Variants in MTA3 observed in about 807,000 individuals in gnomAD.
The protein encoded by MTA3 is metastasis associated 1 family member 3.
A neutral mutation model predicts 83.5 loss-of-function variants in MTA3; 34 were observed. That is an observed-to-expected ratio of 0.41 (90% CI 0.31 to 0.54). The LOEUF is 0.54. Ranked by LOEUF, MTA3 falls within the 20% of genes least tolerant of loss-of-function variation. The probability of loss-of-function intolerance (pLI) is 0.33; values close to 1 mark genes in which losing one functional copy is unlikely to be tolerated. For missense variants in MTA3, 761 were observed against 726.4 expected (o/e 1.05, Z -0.55); for synonymous variants, 303 against 252.7 (o/e 1.20, Z -1.89).
chr2:42,498,814 C>T (rs1389711567), intron 2 of MTA3, among the ~76,000 whole-genome samples: 4 of 152,182 alleles, frequency 2.6e-5, no homozygotes, highest in African/African-American at 9.7e-5. Context: ...GAATTGAAAA[C>T]TCCTATTTTT....
chr2:42,732,170 C>T (rs1305261072), intron 16 of MTA3, among the ~76,000 whole-genome samples: 1 of 152,244 alleles, frequency 6.6e-6, no homozygotes, highest in Non-Finnish European at 1.5e-5. Flanking sequence ...TCTGGCCCCA[C>T]ATTTCACTTC....
chr2:42,532,599 CA>C (rs1221755970), intron 2 of MTA3, among the ~76,000 whole-genome samples: 4 of 152,140 alleles, frequency 2.6e-5, no homozygotes, highest in African/African-American at 9.7e-5. Context: ...CATCTTTCAG[CA>C]AGACATAAAC....
chr2:42,715,757 G>A (rs1666982147), intron 14 of MTA3, among the ~76,000 whole-genome samples: 2 of 152,102 alleles, frequency 1.3e-5, no homozygotes, highest in African/African-American at 2.4e-5. Context: ...GTTGATGATA[G>A]CCATCAATGT....
At chr2:42,557,778 A>G (rs368784055) in intron 2 of MTA3, among the ~76,000 whole-genome samples, 36 of 152,198 alleles carry the variant, frequency 2.4e-4, no homozygotes, top group Non-Finnish European at 4.7e-4. Context: ...TCTCTTATAG[A>G]AAGGGCAGTA....
chr2:42,598,316 C>T (rs1345139808), intron 3 of MTA3, among the ~76,000 whole-genome samples: 4 of 149,670 alleles, frequency 2.7e-5, no homozygotes, highest in Admixed American at 6.7e-5. Flanking sequence ...CCACCCGCCT[C>T]GGCCTCCCAA....
chr2:42,600,992 C>T lies in MTA3; in HGVS notation c.191-8466C>T, dbSNP rs184893193. Among the ~76,000 whole-genome samples the T allele has an allele frequency of 5.3e-5, 8 of 152,158 alleles. No homozygotes were observed. In the South Asian group the frequency reaches 1.0e-3, roughly 20 times the overall value. On this transcript the variant is annotated intron_variant, in intron 3 of 16. Coordinates refer to ENST00000405094, the MANE Select transcript of MTA3 (RefSeq NM_001330442.2). ...CGTGTTCTTGGCTCACTGCAACCTCCGCCTCCCGGGTTCAGGTAATTCTCC... is the reference window on the plus strand; with the variant it reads ...CGTGTTCTTGGCTCACTGCAACCTCTGCCTCCCGGGTTCAGGTAATTCTCC...
At chr2:42,622,543 T>C (rs1685685652) in intron 4 of MTA3, among the ~76,000 whole-genome samples, 1 of 152,224 alleles carries the variant, frequency 6.6e-6, no homozygotes. Flanking sequence ...AAATGTTAAG[T>C]TTCTTCTCAG....
At chr2:42,717,873 C>T (rs1360708676) in intron 14 of MTA3, among the ~76,000 whole-genome samples, 1 of 152,184 alleles carries the variant, frequency 6.6e-6, no homozygotes, top group Non-Finnish European at 1.5e-5. Flanking sequence ...CCTTTAGCAG[C>T]TGTCATTTAT....
chr2:42,602,626 G>A (rs1449405775), intron 3 of MTA3, among the ~76,000 whole-genome samples: 1 of 152,118 alleles, frequency 6.6e-6, no homozygotes, highest in East Asian at 1.9e-4. Flanking sequence ...TAATATGAGG[G>A]CTAGGGTGAT....
At chr2:42,711,512 A>G (rs1666609153) in intron 14 of MTA3, among the ~76,000 whole-genome samples, 1 of 152,212 alleles carries the variant, frequency 6.6e-6, no homozygotes, top group Admixed American at 6.5e-5. Context: ...TGAGTTGTAC[A>G]TAATCAGATT....
At chr2:42,515,810 T>G (rs1200653380) in intron 2 of MTA3, among the ~76,000 whole-genome samples, 3 of 149,056 alleles carry the variant, frequency 2.0e-5, no homozygotes, top group Admixed American at 2.0e-4. Flanking sequence ...GTTTCAGTGT[T>G]TATTTTATTT....
chr2:42,552,223 A>T (rs2103778234), intron 2 of MTA3, among the ~76,000 whole-genome samples: 1 of 152,296 alleles, frequency 6.6e-6, no homozygotes, highest in South Asian at 2.1e-4. Flanking sequence ...TCTAGGGAAT[A>T]ATCAGACCAG....
At chr2:42,641,440 G>A (rs1687683310) in intron 5 of MTA3, among the ~76,000 whole-genome samples, 1 of 152,080 alleles carries the variant, frequency 6.6e-6, no homozygotes, top group Non-Finnish European at 1.5e-5. Flanking sequence ...TCATTAGTCT[G>A]TCCCACAGAA....
At chr2:42,548,159 C>T (rs1330097772) in intron 2 of MTA3, among the ~76,000 whole-genome samples, 2 of 152,038 alleles carry the variant, frequency 1.3e-5, no homozygotes, top group African/African-American at 4.8e-5. Flanking sequence ...TTTAGTTAAC[C>T]TGAGGTCTAA....
intron 2 of MTA3, among the ~76,000 whole-genome samples, chr2:42,507,491 A>G (rs563335942): frequency 5.5e-4 from 84 of 152,270 alleles, no homozygotes; most frequent in Non-Finnish European, 9.3e-4. Flanking sequence ...AAAAAGATAC[A>G]TAAAATAGTT....
Position 42,704,000 on chromosome 2 carries a change from T to C in MTA3, c.1026-194T>C, listed in dbSNP as rs150960686. On this transcript the variant is annotated intron_variant, in intron 11 of 16. Coordinates refer to ENST00000405094, the MANE Select transcript of MTA3 (RefSeq NM_001330442.2). ...TGTCAGGCATAAGCAATTCCTTTTT[T>C]CATAGACTCGTTTTATAAAGATGAG... 370 of 551,896 alleles carry C rather than the reference T, an allele frequency of 6.7e-4. 3 individuals carry two copies. The highest frequency in any genetic ancestry group is 6.6e-3 in the African/African-American group (345 of 52,262). 34.2% of individuals were successfully genotyped at this position (551,896 alleles called of 1,614,324 possible). A position where few individuals can be genotyped will look rare whatever the true frequency, so the allele number is the denominator to read the frequency against.
At chr2:42,628,200 T>A (rs1382005992) in intron 4 of MTA3, among the ~76,000 whole-genome samples, 1 of 144,654 alleles carries the variant, frequency 6.9e-6, no homozygotes, top group Non-Finnish European at 1.5e-5. Flanking sequence ...AATTTTCTTC[T>A]TATCGTTTTA....
intron 7 of MTA3, among the ~76,000 whole-genome samples, chr2:42,656,515 AG>A (rs1689184872): frequency 1.3e-5 from 2 of 152,206 alleles, no homozygotes; most frequent in South Asian, 4.1e-4. Flanking sequence ...TTACTGATTA[AG>A]AAAACAGAAA....
At chr2:42,555,608 A>C (rs936012108) in intron 2 of MTA3, among the ~76,000 whole-genome samples, 15 of 149,596 alleles carry the variant, frequency 1.0e-4, no homozygotes, top group African/African-American at 3.2e-4. Flanking sequence ...AAAATACAAA[A>C]AAAAAAAAAA....
Sources: gnomAD v4.1 joint callset for allele counts (sites outside exome capture counted in the v4.1 genomes callset) on GRCh38, gnomAD v4.1.1 for gene constraint, MANE v1.5 for transcripts, NCBI Gene and HGNC (gene_info 2026-07-23, HGNC 2026-07-21) for gene names.